The following TMEM278 variants were observed in gnomAD, a reference collection of about 807,000 sequenced individuals.
TMEM278 encodes the protein transmembrane protein 88B.
the TMEM278 span, chr1:1,426,063 C>T: frequency 2.3e-6 from 3 of 1,287,280 alleles, no homozygotes; most frequent in East Asian, 3.1e-5. Flanking sequence ...TCTTCCAGGG[C>T]AGCCCTGGAG....
chr1:1,428,202 GGGCAGGGCAGGGCAGAGCCC>G, the TMEM278 span, among the ~76,000 whole-genome samples: 9 of 149,946 alleles, frequency 6.0e-5, no homozygotes, highest in African/African-American at 1.7e-4. Context: ...GGGGAGGGAA[GGGCAGGGCAGGGCAGAGCCC>G]GGCAGGCAGC....
At chr1:1,427,310 A>C in the TMEM278 span, among the ~76,000 whole-genome samples, 4 of 30,590 alleles carry the variant, frequency 1.3e-4, no homozygotes, top group African/African-American at 4.2e-4. Flanking sequence ...ACCCTGACCC[A>C]CCCACACCCT....
the TMEM278 span, chr1:1,427,656 C>T: frequency 7.5e-7 from 1 of 1,341,276 alleles, no homozygotes; most frequent in Non-Finnish European, 9.6e-7. Flanking sequence ...GCTGCTGGTG[C>T]TCGCCTCGGC....
At chr1:1,426,379 C>T in the TMEM278 span, 1 of 1,412,742 alleles carries the variant, frequency 7.1e-7, no homozygotes. Flanking sequence ...TCCTGTGCCA[C>T]TCGAGGGTGA....
At chr1:1,426,594 C>G in the TMEM278 span, among the ~76,000 whole-genome samples, 1 of 152,160 alleles carries the variant, frequency 6.6e-6, no homozygotes, top group Non-Finnish European at 1.5e-5. Flanking sequence ...AGCTCTGTCC[C>G]TTCCCTGAGG....
At chr1:1,426,691 A>C in the TMEM278 span, among the ~76,000 whole-genome samples, 2 of 151,990 alleles carry the variant, frequency 1.3e-5, no homozygotes, top group Non-Finnish European at 2.9e-5. Flanking sequence ...AAGAAGATGA[A>C]AATGTCGTTG....
the TMEM278 span, chr1:1,426,282 T>C: frequency 2.1e-5 from 31 of 1,496,372 alleles, no homozygotes; most frequent in African/African-American, 2.3e-4. Context: ...GGCCGGCTGC[T>C]GGCCGGGCTC....
At chr1:1,427,703 G>A in the TMEM278 span, 1 of 1,324,506 alleles carries the variant, frequency 7.5e-7, no homozygotes, top group South Asian at 1.9e-5. Flanking sequence ...TCCGCCCGCT[G>A]CTGCCTCCGC....
the TMEM278 span, chr1:1,427,738 GCC>G: frequency 1.5e-6 from 2 of 1,300,956 alleles, no homozygotes; most frequent in Non-Finnish European, 1.9e-6. Context: ...GGACCCCGCC[GCC>G]CCCCGGGGCG....
chr1:1,426,248 TGGTCGG>T, the TMEM278 span: 3 of 1,483,726 alleles, frequency 2.0e-6, no homozygotes, highest in African/African-American at 4.4e-5. Flanking sequence ...GTGCCCAGGG[TGGTCGG>T]GGCCCCCGCT....
At chr1:1,427,604 C>G in the TMEM278 span, 1 of 1,291,370 alleles carries the variant, frequency 7.7e-7, no homozygotes, top group African/African-American at 1.9e-5. Context: ...CAGACCGCGG[C>G]TCCGCGGCGC....
the TMEM278 span, chr1:1,426,345 C>T: frequency 1.7e-5 from 24 of 1,440,618 alleles, no homozygotes; most frequent in Middle Eastern, 2.6e-4. Context: ...CTCCTGCCCG[C>T]GGCCGCCGTC....
chr1:1,426,810 C>G, the TMEM278 span, among the ~76,000 whole-genome samples: 68,095 of 152,026 alleles, frequency 0.45, 20,734 homozygotes, highest in East Asian at 0.99. Context: ...CTGTGGCCTG[C>G]TCTGGGCCCC....
At chr1:1,426,411 GA>G in the TMEM278 span, 2 of 1,352,166 alleles carry the variant, frequency 1.5e-6, no homozygotes, top group South Asian at 3.4e-5. Context: ...GTGGGCGGGG[GA>G]CTAGCTGGGG....
chr1:1,426,677 G>A, the TMEM278 span, among the ~76,000 whole-genome samples: 3 of 152,094 alleles, frequency 2.0e-5, no homozygotes, highest in Admixed American at 6.5e-5. Flanking sequence ...CGGGGTTCCA[G>A]GAAAAGAAGA....
chr1:1,426,989 A>G, the TMEM278 span, among the ~76,000 whole-genome samples: 1 of 150,062 alleles, frequency 6.7e-6, no homozygotes, highest in South Asian at 2.1e-4. Context: ...ACCCCTCAGC[A>G]CTGCCTGGCC....
At chr1:1,427,856 C>G in the TMEM278 span, 1 of 1,299,484 alleles carries the variant, frequency 7.7e-7, no homozygotes, top group Non-Finnish European at 9.8e-7. Flanking sequence ...TGGCCCGGCC[C>G]GGAAAACTGA....
At chr1:1,428,603 A>C in the TMEM278 span, among the ~76,000 whole-genome samples, 172 of 152,242 alleles carry the variant, frequency 1.1e-3, no homozygotes, top group African/African-American at 4.0e-3. Flanking sequence ...TTCACCACGA[A>C]TTCCTTCTCC....
the TMEM278 span, among the ~76,000 whole-genome samples, chr1:1,429,482 A>G: frequency 1.3e-5 from 2 of 152,130 alleles, no homozygotes; most frequent in Non-Finnish European, 2.9e-5. Flanking sequence ...TATTTCATAT[A>G]TAGTTATTTT....
Sources: allele counts gnomAD v4.1 joint callset (sites outside exome capture counted in the v4.1 genomes callset), GRCh38; gene constraint gnomAD v4.1.1; transcripts MANE v1.5; gene names NCBI Gene and HGNC (gene_info 2026-07-23, HGNC 2026-07-21).